The following FSHR variants were observed in gnomAD, a reference collection of about 807,000 sequenced individuals.
FSHR encodes the protein follicle-stimulating hormone receptor.
FSHR carries 46 observed loss-of-function variants against 52.1 expected under a neutral mutation model. The observed-to-expected ratio is 0.88, with a 90% confidence interval of 0.70 to 1.13. The LOEUF is 1.13. Ranked by LOEUF, FSHR falls within the 50% of genes most tolerant of loss-of-function variation. FSHR has a pLI of 0.00. For synonymous variants in FSHR, 399 were observed against 309.6 expected, an observed-to-expected ratio of 1.29 and a Z score of -3.03; for missense variants, 964 against 834.6, an observed-to-expected ratio of 1.16 and a Z score of -1.91.
chr2:49,099,045 A>T (rs1670930373), intron 1 of FSHR, among the ~76,000 whole-genome samples: 1 of 151,740 alleles, frequency 6.6e-6, no homozygotes, highest in African/African-American at 2.4e-5. Context: ...ACACATCTCC[A>T]GTATCATATG....
At chr2:49,068,838 T>C (rs985435505) in intron 1 of FSHR, among the ~76,000 whole-genome samples, 1 of 152,076 alleles carries the variant, frequency 6.6e-6, no homozygotes, top group Non-Finnish European at 1.5e-5. Flanking sequence ...TAAGAATAGC[T>C]TCTCCAATAT....
intron 2 of FSHR, among the ~76,000 whole-genome samples, chr2:49,035,264 C>G (rs1200303056): frequency 6.6e-6 from 1 of 152,208 alleles, no homozygotes; most frequent in South Asian, 2.1e-4. Context: ...TCCTTGTATG[C>G]AACTTGCTCC....
chr2:49,001,546 A>T (rs1365967922), intron 4 of FSHR, among the ~76,000 whole-genome samples: 4 of 152,168 alleles, frequency 2.6e-5, no homozygotes, highest in Non-Finnish European at 5.9e-5. Context: ...ATTTGTGGCA[A>T]GCAATTACTT....
chr2:48,991,662 G>C (rs1675786155), intron 4 of FSHR, among the ~76,000 whole-genome samples: 1 of 152,202 alleles, frequency 6.6e-6, no homozygotes, highest in East Asian at 1.9e-4. Flanking sequence ...CTTGAGTGAA[G>C]CTGGATGAAA....
At chr2:49,104,715 TG>T (rs1671161546) in intron 1 of FSHR, among the ~76,000 whole-genome samples, 2 of 152,218 alleles carry the variant, frequency 1.3e-5, no homozygotes, top group South Asian at 4.2e-4. Context: ...TGTTGTTTTT[TG>T]GTTCTTCTCT....
intron 8 of FSHR, among the ~76,000 whole-genome samples, chr2:48,971,178 C>T (rs960994432): frequency 6.6e-6 from 1 of 152,184 alleles, no homozygotes; most frequent in Non-Finnish European, 1.5e-5. Flanking sequence ...ATGTTATGCC[C>T]TTCTCTACGC....
intron 1 of FSHR, among the ~76,000 whole-genome samples, chr2:49,152,928 C>G (rs568170344): frequency 1.3e-4 from 20 of 152,338 alleles, no homozygotes; most frequent in Admixed American, 3.3e-4. Context: ...TTATATTTAC[C>G]TAATAAATCA....
chr2:49,044,546 A>C (rs1214874930), intron 2 of FSHR, among the ~76,000 whole-genome samples: 1 of 152,202 alleles, frequency 6.6e-6, no homozygotes, highest in African/African-American at 2.4e-5. Context: ...AGACCAGCAC[A>C]GATTTCATTC....
chr2:49,044,801 C>A (rs1327884511), intron 2 of FSHR, among the ~76,000 whole-genome samples: 2 of 152,174 alleles, frequency 1.3e-5, no homozygotes, highest in Non-Finnish European at 2.9e-5. Flanking sequence ...CTCAGACTGC[C>A]AGGACATAAT....
At chr2:49,027,595 A>G (rs1015385864) in intron 2 of FSHR, among the ~76,000 whole-genome samples, 2 of 152,200 alleles carry the variant, frequency 1.3e-5, no homozygotes. Context: ...CACGCCTATA[A>G]TCCCAGCACT....
intron 1 of FSHR, among the ~76,000 whole-genome samples, chr2:49,086,205 C>A (rs1322291262): frequency 6.6e-6 from 1 of 152,078 alleles, no homozygotes. Context: ...TGTAATCCAG[C>A]CCAAGATATG....
At chr2:49,136,960 G>A (rs931401980) in intron 1 of FSHR, among the ~76,000 whole-genome samples, 1 of 152,072 alleles carries the variant, frequency 6.6e-6, no homozygotes, top group African/African-American at 2.4e-5. Context: ...CCAAGACAAC[G>A]ATGTGCACTC....
intron 4 of FSHR, among the ~76,000 whole-genome samples, chr2:49,003,372 G>T (rs1407399637): frequency 6.6e-6 from 1 of 152,154 alleles, no homozygotes; most frequent in African/African-American, 2.4e-5. Context: ...TTGGATGTCA[G>T]TGGAATCTAG....
At chr2:49,134,696 A>C (rs1280559239) in intron 1 of FSHR, among the ~76,000 whole-genome samples, 1 of 152,252 alleles carries the variant, frequency 6.6e-6, no homozygotes, top group Non-Finnish European at 1.5e-5. Flanking sequence ...CTGGATTAAG[A>C]AAATGTGACA....
At chr2:49,105,154 TAA>T (rs1671177927) in intron 1 of FSHR, among the ~76,000 whole-genome samples, 3 of 152,082 alleles carry the variant, frequency 2.0e-5, no homozygotes, top group Non-Finnish European at 2.9e-5. Context: ...TCACAAAGTT[TAA>T]GTGTGTTTTC....
intron 2 of FSHR, among the ~76,000 whole-genome samples, chr2:49,061,740 TTATA>T (rs1669308660): frequency 6.6e-5 from 4 of 60,190 alleles, no homozygotes. Context: ...ATATAGCTAT[TTATA>T]TATAACTATT....
chr2:48,968,547 T>A, intron 9 of FSHR, 151 bp downstream of exon 9: 1 of 878,420 alleles, frequency 1.1e-6, no homozygotes, highest in East Asian at 2.6e-5. Flanking sequence ...TCACTCTCCA[T>A]GAACTGAATT....
At position 48,990,034 on chromosome 2, in the gene FSHR, T is replaced by G. The variant is rs546642315; in HGVS notation, c.446+532A>C. ...TTACACCCCTTCCCCATCTCCTCCT[T>G]TTGGATCTGTCCATATTCTTACAAT... On this transcript the variant is annotated intron_variant, in intron 5 of 9. Transcript: ENST00000406846. Among the ~76,000 whole-genome samples the G allele has an allele frequency of 5.9e-5, 9 of 152,292 alleles. No homozygotes were observed. In the East Asian group the frequency reaches 1.4e-3, roughly 23 times the overall value.
chr2:49,064,062 T>TTCTGTG (rs139272294), intron 2 of FSHR, among the ~76,000 whole-genome samples: 1 of 148,616 alleles, frequency 6.7e-6, no homozygotes, highest in Non-Finnish European at 1.5e-5. Context: ...CATGAAGAGT[T>TTCTGTG]TGTGTGTGTG....
Sources: gnomAD v4.1 joint callset for allele counts (sites outside exome capture counted in the v4.1 genomes callset) on GRCh38, gnomAD v4.1.1 for gene constraint, MANE v1.5 for transcripts, NCBI Gene and HGNC (gene_info 2026-07-23, HGNC 2026-07-21) for gene names.